KCNIP4: variants seen among roughly 807,000 people sequenced by gnomAD.
The protein encoded by KCNIP4 is potassium voltage-gated channel interacting protein 4, also known as Kv channel-interacting protein 4.
KCNIP4 carries 12 observed loss-of-function variants against 34.0 expected under a neutral mutation model. The observed-to-expected ratio is 0.35, with a 90% CI of 0.23 to 0.57. KCNIP4 has a LOEUF of 0.57. Among genes scored for constraint, KCNIP4 ranks in the 20% least tolerant of loss-of-function variants. The pLI is 0.83. For missense variants in KCNIP4, 238 were observed against 311.7 expected, an observed-to-expected ratio of 0.76 and a Z score of 1.78; for synonymous variants, 124 against 102.2, an observed-to-expected ratio of 1.21 and a Z score of -1.29.
At chr4:20,840,408 A>T (rs1469338876) in intron 3 of KCNIP4, among the ~76,000 whole-genome samples, 1 of 152,186 alleles carries the variant, frequency 6.6e-6, no homozygotes, top group African/African-American at 2.4e-5. Flanking sequence ...TCTCATTTGG[A>T]GAAAATAAAA....
At chr4:21,331,254 C>A (rs1282909835) in intron 1 of KCNIP4, among the ~76,000 whole-genome samples, 2 of 152,096 alleles carry the variant, frequency 1.3e-5, no homozygotes, top group African/African-American at 4.8e-5. Context: ...CACTTCAGAG[C>A]AATTTCCTTT....
chr4:21,506,849 T>A (rs113912052), intron 1 of KCNIP4, among the ~76,000 whole-genome samples: 42 of 152,164 alleles, frequency 2.8e-4, no homozygotes, highest in African/African-American at 9.4e-4. Context: ...TGGAGTGCAG[T>A]GGCATGATCA....
intron 1 of KCNIP4, among the ~76,000 whole-genome samples, chr4:21,107,522 C>T (rs1344407628): frequency 6.6e-6 from 1 of 150,424 alleles, no homozygotes; most frequent in Non-Finnish European, 1.5e-5. Context: ...TTCCTGAATA[C>T]AGCACACTGA....
At chr4:21,065,367 G>A (rs1389680129) in intron 1 of KCNIP4, among the ~76,000 whole-genome samples, 3 of 152,026 alleles carry the variant, frequency 2.0e-5, no homozygotes, top group Non-Finnish European at 2.9e-5. Flanking sequence ...GCAGATGACC[G>A]TATTAAGATC....
chr4:21,075,803 C>T (rs1052046844), intron 1 of KCNIP4, among the ~76,000 whole-genome samples: 2 of 152,174 alleles, frequency 1.3e-5, no homozygotes, highest in African/African-American at 4.8e-5. Context: ...ATGTTCAGTG[C>T]TTCCTTCAGG....
intron 3 of KCNIP4, among the ~76,000 whole-genome samples, chr4:20,799,598 G>T (rs1435216239): frequency 6.6e-6 from 1 of 152,118 alleles, no homozygotes; most frequent in African/African-American, 2.4e-5. Flanking sequence ...TTGCTGTGCT[G>T]CTCCACCACC....
chr4:21,854,120 T>C (rs1724598564), intron 1 of KCNIP4, among the ~76,000 whole-genome samples: 1 of 152,300 alleles, frequency 6.6e-6, no homozygotes, highest in African/African-American at 2.4e-5. Context: ...GTGTTCCAGT[T>C]TGAGTGCCCA....
chr4:21,678,375 A>C (rs1248001917), intron 1 of KCNIP4, among the ~76,000 whole-genome samples: 1 of 142,678 alleles, frequency 7.0e-6, no homozygotes, highest in Non-Finnish European at 1.5e-5. Flanking sequence ...TGGACCATGC[A>C]AAAAAACAGC....
intron 1 of KCNIP4, among the ~76,000 whole-genome samples, chr4:21,617,713 G>A (rs923627070): frequency 2.0e-5 from 3 of 152,168 alleles, no homozygotes; most frequent in Admixed American, 2.0e-4. Context: ...ATTAGAGAAT[G>A]TTTTATTCCA....
intron 1 of KCNIP4, among the ~76,000 whole-genome samples, chr4:21,643,881 T>A: frequency 7.4e-6 from 1 of 135,270 alleles, no homozygotes; most frequent in African/African-American, 3.0e-5. Flanking sequence ...GATAGATAGA[T>A]AGATAGATAG....
intron 1 of KCNIP4, among the ~76,000 whole-genome samples, chr4:20,897,738 G>A (rs1726710633): frequency 2.0e-5 from 3 of 152,144 alleles, no homozygotes; most frequent in Non-Finnish European, 4.4e-5. Flanking sequence ...TGAAAGCCAA[G>A]GAGAGAGGCC....
chr4:21,450,235 T>C (rs750019951), intron 1 of KCNIP4, among the ~76,000 whole-genome samples: 4 of 152,086 alleles, frequency 2.6e-5, no homozygotes, highest in Non-Finnish European at 5.9e-5. Context: ...ATAATGTAAA[T>C]CTATAGAGTT....
chr4:20,867,875 T>C (rs1723027361), intron 2 of KCNIP4, among the ~76,000 whole-genome samples: 1 of 152,008 alleles, frequency 6.6e-6, no homozygotes, highest in Non-Finnish European at 1.5e-5. Context: ...CACTGGGGCC[T>C]GTTGTGGGGT....
rs16870283 is a variant in KCNIP4 at position 20,980,895 on chromosome 4, T to G, written c.62-98186A>C. 6.9e-3 allele frequency among the ~76,000 whole-genome samples: 1,057 copies of G among 152,214 alleles called. 15 individuals carry two copies. The highest frequency in any genetic ancestry group is 0.024 in the African/African-American group (993 of 41,530). ...CAATCTTAGTGAAGAGTTTAGCAAT[T>G]TGCATTGGGATAACCCTGTCAACCT... On this transcript the variant is annotated intron_variant, in intron 1 of 8. Transcript: ENST00000382152.
chr4:21,000,599 G>C (rs6825817), intron 1 of KCNIP4, among the ~76,000 whole-genome samples: 99,208 of 151,788 alleles, frequency 0.65, 32,744 homozygotes, highest in African/African-American at 0.72. Context: ...GCAGGAGAAT[G>C]ACTTGAACCC....
At chr4:21,104,442 T>C (rs1215170995) in intron 1 of KCNIP4, among the ~76,000 whole-genome samples, 3 of 152,152 alleles carry the variant, frequency 2.0e-5, no homozygotes, top group Non-Finnish European at 4.4e-5. Flanking sequence ...GATGGGGTTG[T>C]TTGTTTTTTT....
chr4:21,298,782 A>T (rs1763990485), intron 1 of KCNIP4, among the ~76,000 whole-genome samples: 1 of 152,202 alleles, frequency 6.6e-6, no homozygotes, highest in African/African-American at 2.4e-5. Flanking sequence ...TACAGTACAC[A>T]TGCTTATGCT....
chr4:21,267,412 T>C (rs1161506682), intron 1 of KCNIP4, among the ~76,000 whole-genome samples: 1 of 151,936 alleles, frequency 6.6e-6, no homozygotes, highest in Non-Finnish European at 1.5e-5. Context: ...GGAGAGGGCA[T>C]CCCTGTCTTG....
At chr4:21,864,621 C>T (rs2109356210) in intron 1 of KCNIP4, among the ~76,000 whole-genome samples, 1 of 152,244 alleles carries the variant, frequency 6.6e-6, no homozygotes. Flanking sequence ...ATATATTTTT[C>T]AATTGATGAG....
Sources: gnomAD v4.1 joint callset for allele counts (sites outside exome capture counted in the v4.1 genomes callset) on GRCh38, gnomAD v4.1.1 for gene constraint, MANE v1.5 for transcripts, NCBI Gene and HGNC (gene_info 2026-07-23, HGNC 2026-07-21) for gene names.